The following PARVB variants were observed in gnomAD, a reference collection of about 807,000 sequenced individuals.
PARVB encodes the protein parvin beta.
A neutral mutation model predicts 47.0 loss-of-function variants in PARVB; 46 were observed. That is an observed-to-expected ratio of 0.98 (90% CI 0.77 to 1.25). The LOEUF (loss-of-function observed/expected upper bound fraction) is 1.25, where lower values mean the gene tolerates loss of function less well. Among genes scored for constraint, PARVB ranks in the 50% most tolerant of loss-of-function variants. The probability of loss-of-function intolerance (pLI) is 0.00; values close to 1 mark genes in which losing one functional copy is unlikely to be tolerated. For missense variants in PARVB, 473 were observed against 471.6 expected (o/e 1.00, Z -0.03); for synonymous variants, 196 against 196.3 (o/e 1.00, Z 0.01).
rs144626471 is a variant in PARVB at position 44,087,529 on chromosome 22, A to AGAT, written c.113-6398_113-6397insATG. ...CTGCTAGTGGAGCAAGAAGCTGATC[A>AGAT]GCCTTTGTGTTTTCAGATTTCTTCT... On this transcript the variant is annotated intron_variant, in intron 1 of 12. Coordinates refer to ENST00000338758, the MANE Select transcript of PARVB (RefSeq NM_013327.5). 6.4e-3 allele frequency among the ~76,000 whole-genome samples: 971 copies of AGAT among 152,316 alleles called. 10 individuals are homozygous for AGAT. The highest frequency in any genetic ancestry group is 0.021 in the African/African-American group (886 of 41,570).
chr22:44,064,163 C>T (rs1207190060), intron 1 of PARVB, among the ~76,000 whole-genome samples: 1 of 152,126 alleles, frequency 6.6e-6, no homozygotes, highest in African/African-American at 2.4e-5. Context: ...ATGCTGGCCA[C>T]GTCAGCCAGT....
At chr22:44,075,026 C>T (rs928559805) in intron 1 of PARVB, among the ~76,000 whole-genome samples, 3 of 152,208 alleles carry the variant, frequency 2.0e-5, no homozygotes, top group African/African-American at 7.2e-5. Flanking sequence ...AGCGGCATCC[C>T]TGGCCTCTAC....
chr22:44,124,145 A>C (rs1173315068), intron 4 of PARVB, among the ~76,000 whole-genome samples: 1 of 152,226 alleles, frequency 6.6e-6, no homozygotes, highest in Non-Finnish European at 1.5e-5. Flanking sequence ...CTTGTGGGAC[A>C]TGAAAGGGGG....
At chr22:44,034,899 CAG>C (rs2050893246) in intron 1 of PARVB, among the ~76,000 whole-genome samples, 1 of 151,700 alleles carries the variant, frequency 6.6e-6, no homozygotes, top group African/African-American at 2.4e-5. Context: ...TTAGTAGAGA[CAG>C]AGTTTCACCA....
rs1295111621 is a variant in PARVB, at chr22:44,170,552, T to A, written c.*1874T>A. The stretch of plus-strand genomic sequence containing the variant: ...CCCTTAGAGTATCCTATAAAAGGAG[T>A]CGCTGCTCACTCAGTTATGGGTTGT... On this transcript the variant is annotated 3_prime_UTR_variant, in exon 13 of 13. Transcript: ENST00000338758. The A allele has an allele frequency of 1.3e-5, 2 of 151,868 alleles. No individual in the cohort carries two copies. Among genetic ancestry groups the A allele is most frequent in the Non-Finnish European group, 2.9e-5 (2 of 67,972 alleles). 9.4% of individuals were successfully genotyped at this position (151,868 alleles called of 1,614,324 possible).
In PARVB at chr22:44,168,492, G is replaced by A. The variant is rs918668115; in HGVS notation, c.1019-110G>A. ...TGGCCAGTCTTTAAGGGGAAGCGCT[G>A]TGTGTGGATGCGGCAGCTGGTGTCA... is the stretch of plus-strand genomic sequence containing the variant. On this transcript the variant is annotated intron_variant, in intron 12 of 12. Coordinates refer to ENST00000338758, the MANE Select transcript of PARVB (RefSeq NM_013327.5). The A allele has an allele frequency of 6.5e-5, 49 of 755,678 alleles. No individual in the cohort carries two copies. In the African/African-American group the frequency reaches 7.7e-4, roughly 12 times the overall value. 46.8% of individuals were successfully genotyped at this position (755,678 alleles called of 1,614,324 possible). A position where few individuals can be genotyped will look rare whatever the true frequency, so the allele number is the denominator to read the frequency against.
intron 3 of PARVB, among the ~76,000 whole-genome samples, chr22:44,102,408 A>G (rs1397661905): frequency 1.3e-5 from 2 of 152,214 alleles, no homozygotes; most frequent in African/African-American, 2.4e-5. Flanking sequence ...GAACCATCCC[A>G]TGCACCTTTC....
At chr22:44,137,674 G>C (rs2053466343) in intron 7 of PARVB, among the ~76,000 whole-genome samples, 1 of 152,162 alleles carries the variant, frequency 6.6e-6, no homozygotes, top group South Asian at 2.1e-4. Flanking sequence ...GGCTGGGGAG[G>C]CTGAGATGGG....
chr22:44,003,674 C>T (rs1028771534), intron 2 of PARVB, among the ~76,000 whole-genome samples: 1 of 152,140 alleles, frequency 6.6e-6, no homozygotes, highest in African/African-American at 2.4e-5. Context: ...AGCAGGAAAC[C>T]TTGTGTTGGG....
intron 12 of PARVB, among the ~76,000 whole-genome samples, chr22:44,167,132 G>T (rs1198586271): frequency 1.3e-5 from 2 of 152,116 alleles, no homozygotes; most frequent in East Asian, 3.9e-4. Flanking sequence ...CTGGCCCCCT[G>T]CCCCCTTGTG....
upstream of PARVB, chr22:44,024,257 CG>C: frequency 1.3e-6 from 1 of 742,552 alleles, no homozygotes; most frequent in Non-Finnish European, 1.6e-6. Context: ...GGGCCGGCGG[CG>C]GGGCCGCGCC....
At chr22:44,158,636 T>A (rs944645320) in intron 11 of PARVB, among the ~76,000 whole-genome samples, 1 of 152,236 alleles carries the variant, frequency 6.6e-6, no homozygotes, top group African/African-American at 2.4e-5. Flanking sequence ...AGGGTCAAAT[T>A]TGGGGCATTC....
At chr22:44,098,266 G>A (rs1423626077) in intron 2 of PARVB, among the ~76,000 whole-genome samples, 3 of 152,156 alleles carry the variant, frequency 2.0e-5, no homozygotes, top group African/African-American at 7.2e-5. Context: ...CCTGCTCCTT[G>A]CCCGCCTGAG....
chr22:44,060,936 T>A, intron 1 of PARVB, among the ~76,000 whole-genome samples: 1 of 152,156 alleles, frequency 6.6e-6, no homozygotes, highest in Non-Finnish European at 1.5e-5. Context: ...TAACTTTTTC[T>A]TATATATGTT....
chr22:44,112,642 C>G (rs1020193817), intron 3 of PARVB: 3 of 152,166 alleles, frequency 2.0e-5, no homozygotes, highest in Non-Finnish European at 4.4e-5. Flanking sequence ...CAGGCTCAAG[C>G]GATCCTCCTG....
rs113458130 is a variant in PARVB at position 43,999,834 on chromosome 22, GAAAAAAAA to G, written c.211+178_211+185del. Among the ~76,000 whole-genome samples, 129 of 69,378 alleles carry G rather than the reference GAAAAAAAA, an allele frequency of 1.9e-3. 1 individual carries two copies. The highest frequency in any genetic ancestry group is 6.0e-3 in the African/African-American group (125 of 20,806). 45.5% of individuals were successfully genotyped at this position (69,378 alleles called of 152,430 possible). A position where few individuals can be genotyped will look rare whatever the true frequency, so the allele number is the denominator to read the frequency against. ...CAACATAGTGAAAACCCATCTATAT[GAAAAAAAA>G]AAAAAAAAAAAAAAAACAGCTGGGT... On this transcript the variant is annotated intron_variant, in intron 2 of 13. Transcript: ENST00000406477.
At chr22:44,059,855 C>T (rs776461794) in intron 1 of PARVB, among the ~76,000 whole-genome samples, 32 of 152,212 alleles carry the variant, frequency 2.1e-4, no homozygotes, top group South Asian at 8.3e-4. Flanking sequence ...TCGTCTTTGG[C>T]GGGGCGTGTT....
At chr22:44,139,491 C>A (rs553985917) in intron 7 of PARVB, 1 of 152,950 alleles carries the variant, frequency 6.5e-6, no homozygotes, top group South Asian at 2.1e-4. Context: ...ACTCTTGTTG[C>A]CCAGGCTGGA....
intron 3 of PARVB, chr22:44,108,909 A>G (rs942521545): frequency 6.6e-6 from 1 of 152,180 alleles, no homozygotes; most frequent in Non-Finnish European, 1.5e-5. Flanking sequence ...CAGAGGCCTG[A>G]CAGGAATGAC....
Sources: gnomAD v4.1 joint callset for allele counts (sites outside exome capture counted in the v4.1 genomes callset) on GRCh38, gnomAD v4.1.1 for gene constraint, MANE v1.5 for transcripts, NCBI Gene and HGNC (gene_info 2026-07-23, HGNC 2026-07-21) for gene names.